Variants in ELP3 observed in about 807,000 individuals in gnomAD.
The protein encoded by ELP3 is elongator complex protein 3.
A neutral mutation model predicts 74.9 loss-of-function variants in ELP3; 56 were observed. The observed-to-expected ratio is 0.75, with a 90% CI of 0.60 to 0.93. The LOEUF (loss-of-function observed/expected upper bound fraction) is 0.93, where lower values mean the gene tolerates loss of function less well. ELP3 is among the 40% of genes least tolerant of loss of function. The pLI is 0.00. For missense variants in ELP3, 573 were observed against 686.5 expected, an observed-to-expected ratio of 0.83 and a Z score of 1.85; for synonymous variants, 222 against 239.8, an observed-to-expected ratio of 0.93 and a Z score of 0.68.
intron 10 of ELP3, among the ~76,000 whole-genome samples, chr8:28,144,973 C>T (rs1015217546): frequency 6.6e-6 from 1 of 152,002 alleles, no homozygotes; most frequent in Non-Finnish European, 1.5e-5. Context: ...ACCTGGGAGG[C>T]AGAGGTTGCA....
chr8:28,093,297 A>G, intron 1 of ELP3, 64 bp downstream of exon 1: 1 of 1,599,758 alleles, frequency 6.3e-7, no homozygotes, highest in Non-Finnish European at 8.5e-7. Flanking sequence ...CCAGGCAATC[A>G]AATGCTGAAC....
At chr8:28,179,354 C>T (rs1295232496) in intron 14 of ELP3, among the ~76,000 whole-genome samples, 1 of 152,208 alleles carries the variant, frequency 6.6e-6, no homozygotes, top group Non-Finnish European at 1.5e-5. Context: ...CGGTAGTTTG[C>T]ACACATTGTT....
chr8:28,184,129 C>G (rs1160807183), intron 14 of ELP3, among the ~76,000 whole-genome samples: 1 of 152,180 alleles, frequency 6.6e-6, no homozygotes, highest in Non-Finnish European at 1.5e-5. Flanking sequence ...CCTTTCCCAA[C>G]CTGTTCTGCA....
chr8:28,183,071 TA>T (rs1815083197), intron 14 of ELP3: 17 of 453,122 alleles, frequency 3.8e-5, no homozygotes, highest in South Asian at 2.7e-4. Context: ...GCCTTTAATG[TA>T]ACCCCTTTCC....
chr8:28,162,700 A>T (rs1814152801), intron 14 of ELP3, among the ~76,000 whole-genome samples: 1 of 152,210 alleles, frequency 6.6e-6, no homozygotes, highest in Non-Finnish European at 1.5e-5. Flanking sequence ...GAAAGCCTTT[A>T]TAAGGAAATA....
intron 7 of ELP3, among the ~76,000 whole-genome samples, chr8:28,128,072 A>G (rs928172833): frequency 3.9e-5 from 6 of 152,236 alleles, no homozygotes; most frequent in Non-Finnish European, 8.8e-5. Context: ...TTCTTCAGAA[A>G]GAAGGAAAAT....
intron 6 of ELP3, 145 bp from the exon 7 acceptor site, chr8:28,112,874 C>G: frequency 1.7e-6 from 1 of 598,882 alleles, no homozygotes; most frequent in Non-Finnish European, 2.6e-6. Flanking sequence ...TATTTTTTAT[C>G]CACAGAATTA....
At chr8:28,188,053 C>G (rs568739616) in intron 14 of ELP3, among the ~76,000 whole-genome samples, 1 of 152,272 alleles carries the variant, frequency 6.6e-6, no homozygotes, top group South Asian at 2.1e-4. Context: ...TCAGGAGATG[C>G]ACTTCTCCAA....
At chr8:28,128,193 G>A (rs989872830) in intron 7 of ELP3, among the ~76,000 whole-genome samples, 1 of 152,090 alleles carries the variant, frequency 6.6e-6, no homozygotes, top group South Asian at 2.1e-4. Context: ...AGAGATGTTG[G>A]CCGGGCGCAG....
intron 12 of ELP3, 83 bp downstream of exon 12, chr8:28,158,716 A>T (rs1813944185): frequency 9.0e-7 from 1 of 1,116,484 alleles, no homozygotes. Context: ...TTAACCAAGG[A>T]CAGAGCCCCA....
intron 7 of ELP3, among the ~76,000 whole-genome samples, chr8:28,124,817 C>T (rs1176467429): frequency 6.6e-6 from 1 of 152,090 alleles, no homozygotes; most frequent in Non-Finnish European, 1.5e-5. Flanking sequence ...TGCAGTGCCA[C>T]CAGGTTGGTT....
chr8:28,154,395 G>A (rs145405951), intron 10 of ELP3, among the ~76,000 whole-genome samples: 49 of 152,232 alleles, frequency 3.2e-4, no homozygotes, highest in African/African-American at 1.2e-3. Flanking sequence ...TGTAATGGGC[G>A]CTAACACTGG....
chr8:28,107,876 TG>T (rs1811758496), intron 4 of ELP3, 36 bp from the exon 5 acceptor site: 1 of 1,579,402 alleles, frequency 6.3e-7, no homozygotes, highest in African/African-American at 1.3e-5. Flanking sequence ...AACTCAGTTT[TG>T]CATCTGACAT....
intron 14 of ELP3, among the ~76,000 whole-genome samples, chr8:28,176,100 A>G (rs1293532579): frequency 6.6e-6 from 1 of 152,098 alleles, no homozygotes; most frequent in African/African-American, 2.4e-5. Context: ...TACAGGCATG[A>G]GCCACTGCAC....
chr8:28,138,327 A>G (rs1813078585), intron 10 of ELP3, among the ~76,000 whole-genome samples: 1 of 152,216 alleles, frequency 6.6e-6, no homozygotes, highest in African/African-American at 2.4e-5. Context: ...ATGTGGAGGA[A>G]AGGTGACATA....
chr8:28,119,570 TTTTATATATATATATATATATATATA>T (rs1428658949), intron 7 of ELP3, among the ~76,000 whole-genome samples: 1 of 92,108 alleles, frequency 1.1e-5, no homozygotes, highest in East Asian at 2.9e-4. Flanking sequence ...ACTTGTGGCG[TTTTATATATATATATATATATATATA>T]TATATATATA....
chr8:28,112,726 G>A (rs1391982625), intron 6 of ELP3: 2 of 220,030 alleles, frequency 9.1e-6, no homozygotes, highest in Non-Finnish European at 1.8e-5. Flanking sequence ...TGTCTTTACT[G>A]CTTTCTAGTT....
intron 1 of ELP3, among the ~76,000 whole-genome samples, chr8:28,094,348 A>G (rs942738846): frequency 6.6e-6 from 1 of 152,216 alleles, no homozygotes; most frequent in African/African-American, 2.4e-5. Flanking sequence ...TACATTATTT[A>G]TTTGAGTCTT....
At chr8:28,096,538 G>A (rs56395486) in intron 1 of ELP3, among the ~76,000 whole-genome samples, 11 of 152,348 alleles carry the variant, frequency 7.2e-5, no homozygotes, top group African/African-American at 2.4e-4. Context: ...GCCTGGCTTA[G>A]AGATATGCCC....
Sources: allele counts gnomAD v4.1 joint callset (sites outside exome capture counted in the v4.1 genomes callset), GRCh38; gene constraint gnomAD v4.1.1; transcripts MANE v1.5; gene names NCBI Gene and HGNC (gene_info 2026-07-23, HGNC 2026-07-21).